ABCA13: variants seen among roughly 807,000 people sequenced by gnomAD.
ABCA13 encodes the protein ATP-binding cassette sub-family A member 13.
Under a neutral mutation model 478.7 loss-of-function variants are expected in ABCA13, and 476 were observed. The ratio of observed to expected loss-of-function variants is 0.99; its 90% CI spans 0.92 to 1.07. The LOEUF (loss-of-function observed/expected upper bound fraction) is 1.07. Ranked by LOEUF, ABCA13 falls within the 50% of genes least tolerant of loss-of-function variation. ABCA13 has a pLI of 0.00. For missense variants in ABCA13, 6,060 were observed against 5,910.6 expected (o/e 1.03, Z -0.83); for synonymous variants, 2,252 against 2,158.9 (o/e 1.04, Z -1.20).
At chr7:48,369,302 T>G (rs1006793554) in intron 32 of ABCA13, among the ~76,000 whole-genome samples, 4 of 152,178 alleles carry the variant, frequency 2.6e-5, no homozygotes, top group Non-Finnish European at 4.4e-5. Flanking sequence ...ATTTGCTGGA[T>G]ATATAGATTG....
At position 48,573,359 on chromosome 7, in the gene ABCA13, T is replaced by A. The variant is rs1787866135; in HGVS notation, c.14355-6865T>A. 4.6e-5 allele frequency among the ~76,000 whole-genome samples: 7 copies of A among 152,090 alleles called. No homozygotes were observed. The South Asian group carries it at 6.2e-4, about 14-fold the overall frequency. ...TTTTTATCTTATTTATTTATTTTTT[T>A]AAGTGGTATTCCTGGTGTATTCATT... On this transcript the variant is annotated intron_variant, in intron 55 of 61. Coordinates refer to ENST00000435803, the MANE Select transcript of ABCA13 (RefSeq NM_152701.5).
chr7:48,593,289 G>GT (rs1789953617), intron 57 of ABCA13, among the ~76,000 whole-genome samples: 1 of 140,556 alleles, frequency 7.1e-6, no homozygotes, highest in South Asian at 2.2e-4. Context: ...TCTTCTATAG[G>GT]TTTTTTATTT....
At chr7:48,323,507 GA>G (rs1803830710) in intron 27 of ABCA13, among the ~76,000 whole-genome samples, 1 of 152,212 alleles carries the variant, frequency 6.6e-6, no homozygotes, top group Admixed American at 6.5e-5. Flanking sequence ...GTGCCATCAA[GA>G]AGATTATCTC....
chr7:48,325,492 G>GCAAAAAA (rs1804185010), intron 27 of ABCA13, among the ~76,000 whole-genome samples: 7 of 152,042 alleles, frequency 4.6e-5, no homozygotes, highest in African/African-American at 1.7e-4. Context: ...GCTTAAAACT[G>GCAAAAAA]TAGCTTTTGG....
intron 58 of ABCA13, among the ~76,000 whole-genome samples, chr7:48,597,995 T>C (rs1194495562): frequency 1.3e-5 from 2 of 152,212 alleles, no homozygotes; most frequent in African/African-American, 4.8e-5. Context: ...CTCTTGATGT[T>C]GGACATTTTA....
At chr7:48,419,323 T>C (rs1449206092) in intron 41 of ABCA13, among the ~76,000 whole-genome samples, 1 of 152,226 alleles carries the variant, frequency 6.6e-6, no homozygotes, top group Non-Finnish European at 1.5e-5. Context: ...ATATTTGTAT[T>C]TGTACTTTAC....
At chr7:48,454,251 C>G (rs1585391312) in intron 42 of ABCA13, among the ~76,000 whole-genome samples, 3 of 152,188 alleles carry the variant, frequency 2.0e-5, no homozygotes. Context: ...CTACCTCTGT[C>G]TCTGCTCCCA....
In ABCA13 at chr7:48,524,248, G is replaced by A. The variant is rs775327907; in HGVS notation, c.14052G>A (p.Arg4684=). Reference sequence around the variant, plus strand: ...ATTCACTCTGATTTCATCTTCCCAGGGGTCATTCTACTCTCCAAGGCACAG... The same window carrying A: ...ATTCACTCTGATTTCATCTTCCCAGAGGTCATTCTACTCTCCAAGGCACAG... ...LLHWDLLRWP[R]GHSTLQGTVK... Residue 4684 remains arginine, a splice_region_variant and synonymous_variant, in exon 54 of 62, where the codon AGG becomes AGA. Transcript: ENST00000435803. 5 of 1,609,676 alleles carry A rather than the reference G, an allele frequency of 3.1e-6. No homozygotes were observed. Among genetic ancestry groups the A allele is most frequent in the Non-Finnish European group, 4.2e-6 (5 of 1,178,118 alleles).
intron 7 of ABCA13, among the ~76,000 whole-genome samples, chr7:48,232,728 T>C (rs1164406178): frequency 1.3e-5 from 2 of 152,198 alleles, no homozygotes; most frequent in Admixed American, 6.5e-5. Context: ...ATTTTATACT[T>C]TTATAAGTAT....
Position 48,489,342 on chromosome 7 carries a change from A to G in ABCA13, c.13289A>G (p.Tyr4430Cys), listed in dbSNP as rs1829635999. Residue 4430 changes from tyrosine to cysteine, a missense_variant and splice_region_variant, in exon 48 of 62, where the codon TAC becomes TGC. By Grantham distance (194) the Tyr-to-Cys change is radical. Around this residue, in one of 3 missense-constraint regions of ABCA13, gnomAD observed 1,627 missense variants for 1,571.0 expected, o/e 1.04. Coordinates refer to ENST00000435803, the MANE Select transcript of ABCA13 (RefSeq NM_152701.5). ...CCCCCTACTGTGGACTGGAGACAATACGGTAATGTTATTTTTCATGCATTG... is the reference window on the plus strand; with the variant it reads ...CCCCCTACTGTGGACTGGAGACAATGCGGTAATGTTATTTTTCATGCATTG... The part of the protein sequence containing the change: ...HLPPTVDWRQ[Y>C]GITLYSHPYG... 5 of 1,587,162 alleles carry G rather than the reference A, an allele frequency of 3.2e-6. No individual in the cohort carries two copies. The highest frequency in any genetic ancestry group is 4.3e-6 in the Non-Finnish European group (5 of 1,161,136).
chr7:48,498,322 C>A (rs1241585974), intron 48 of ABCA13, among the ~76,000 whole-genome samples: 1 of 151,942 alleles, frequency 6.6e-6, no homozygotes, highest in African/African-American at 2.4e-5. Context: ...TTTTTGGGAG[C>A]CTTTCTTATT....
intron 59 of ABCA13, among the ~76,000 whole-genome samples, chr7:48,636,129 C>T (rs1044335528): frequency 1.3e-5 from 2 of 151,918 alleles, no homozygotes; most frequent in African/African-American, 4.8e-5. Flanking sequence ...ACAGCCCCTG[C>T]TTTCTTCTCA....
chr7:48,191,425 C>T (rs974232058), intron 1 of ABCA13, among the ~76,000 whole-genome samples: 4 of 152,172 alleles, frequency 2.6e-5, no homozygotes, highest in South Asian at 2.1e-4. Flanking sequence ...TAATTTGAGA[C>T]GGAGTCTCGC....
At chr7:48,439,696 C>A (rs1246638289) in intron 42 of ABCA13, among the ~76,000 whole-genome samples, 3 of 152,066 alleles carry the variant, frequency 2.0e-5, no homozygotes, top group Non-Finnish European at 4.4e-5. Flanking sequence ...TAGAATTACC[C>A]TTTGGCATAA....
chr7:48,570,314 A>T (rs1033346737), intron 55 of ABCA13, among the ~76,000 whole-genome samples: 15 of 130,514 alleles, frequency 1.1e-4, no homozygotes, highest in African/African-American at 2.6e-4. Flanking sequence ...ATCTTTTTGC[A>T]TCCTCTTTTT....
At chr7:48,430,672 TAAAAA>T (rs36121642) in intron 42 of ABCA13, among the ~76,000 whole-genome samples, 2 of 122,840 alleles carry the variant, frequency 1.6e-5, no homozygotes, top group Admixed American at 8.5e-5. Context: ...AGACTCCGTC[TAAAAA>T]AAAAAAAAAA....
chr7:48,549,169 G>A (rs1375640628), intron 55 of ABCA13, among the ~76,000 whole-genome samples: 2 of 151,670 alleles, frequency 1.3e-5, no homozygotes, highest in African/African-American at 4.8e-5. Context: ...CTAGGTTTTA[G>A]GCCTTGCATG....
chr7:48,578,157 G>A (rs1486648438), intron 55 of ABCA13, among the ~76,000 whole-genome samples: 1 of 152,026 alleles, frequency 6.6e-6, no homozygotes, highest in Non-Finnish European at 1.5e-5. Flanking sequence ...CCTAAGTTTG[G>A]GAACAAGATG....
chr7:48,630,132 G>C (rs1251116823), intron 59 of ABCA13, among the ~76,000 whole-genome samples: 1 of 151,898 alleles, frequency 6.6e-6, no homozygotes, highest in Admixed American at 6.6e-5. Context: ...TATCCTGTCA[G>C]TATTTCAAGG....
Sources: allele counts gnomAD v4.1 joint callset (sites outside exome capture counted in the v4.1 genomes callset), GRCh38; gene constraint gnomAD v4.1.1; regional missense constraint gnomAD v4.1.1; transcripts MANE v1.5; gene names NCBI Gene and HGNC (gene_info 2026-07-23, HGNC 2026-07-21).